ENOX1: variants seen among roughly 807,000 people sequenced by gnomAD.
The protein encoded by ENOX1 is candidate growth-related and time keeping constitutive hydroquinone (NADH) oxidase.
In ENOX1, 42 loss-of-function variants were observed where a neutral mutation model predicts 82.5. The ratio of observed to expected loss-of-function variants is 0.51; its 90% CI spans 0.40 to 0.66. The LOEUF is 0.66. Ranked by LOEUF, ENOX1 falls within the 30% of genes least tolerant of loss-of-function variation. ENOX1 has a pLI of 0.00. For synonymous variants in ENOX1, 271 were observed against 282.2 expected (o/e 0.96, Z 0.40); for missense variants, 608 against 811.6 (o/e 0.75, Z 3.05).
chr13:43,279,585 T>C (rs2045257322), intron 12 of ENOX1, among the ~76,000 whole-genome samples: 1 of 152,266 alleles, frequency 6.6e-6, no homozygotes, highest in African/African-American at 2.4e-5. Flanking sequence ...TTCCCGTTTT[T>C]CACTTTCTTC....
intron 3 of ENOX1, among the ~76,000 whole-genome samples, chr13:43,429,997 G>C (rs2055563215): frequency 6.6e-6 from 1 of 152,152 alleles, no homozygotes; most frequent in East Asian, 1.9e-4. Context: ...CTTTCCACTA[G>C]TTTTCTTGAC....
intron 2 of ENOX1, among the ~76,000 whole-genome samples, chr13:43,523,204 G>T (rs963879031): frequency 6.6e-6 from 1 of 152,140 alleles, no homozygotes; most frequent in Non-Finnish European, 1.5e-5. Flanking sequence ...ATAATCTGAG[G>T]TGCATATTAA....
At position 43,337,419 on chromosome 13, in the gene ENOX1, C is replaced by G. The variant is rs182309680; in HGVS notation, c.1036+7119G>C. 3.9e-3 allele frequency among the ~76,000 whole-genome samples: 589 copies of G among 152,190 alleles called. 5 individuals are homozygous for G. The highest frequency in any genetic ancestry group is 3.0e-3 in the Non-Finnish European group (204 of 68,008). On this transcript the variant is annotated intron_variant, in intron 9 of 16. Coordinates refer to ENST00000690772, the MANE Select transcript of ENOX1 (RefSeq NM_001347969.2). Reference sequence around the variant, plus strand: ...AATAATTAGAAAATAAGTAAGTCCTCAAGTAGATAGTATTAACAAGCGCTG... The same window carrying G: ...AATAATTAGAAAATAAGTAAGTCCTGAAGTAGATAGTATTAACAAGCGCTG...
At chr13:43,427,290 A>G (rs1050611914) in intron 3 of ENOX1, among the ~76,000 whole-genome samples, 2 of 152,194 alleles carry the variant, frequency 1.3e-5, no homozygotes, top group African/African-American at 4.8e-5. Context: ...AGAAACTCAC[A>G]TCCTCGATCT....
rs35444689 is a variant in ENOX1, at chr13:43,520,371, T to C, written c.-218-36219A>G. On this transcript the variant is annotated intron_variant, in intron 2 of 16. Transcript: ENST00000690772. Reference sequence around the variant, plus strand: ...TCAATCTGCACACACACACGGTATCTTGATGTTTTAATTATCTTACTAATA... The same window carrying C: ...TCAATCTGCACACACACACGGTATCCTGATGTTTTAATTATCTTACTAATA... 4.7e-4 allele frequency among the ~76,000 whole-genome samples: 71 copies of C among 152,296 alleles called. 1 individual carries two copies. The highest frequency in any genetic ancestry group is 1.5e-3 in the African/African-American group (63 of 41,578).
At chr13:43,286,428 C>T (rs920884) in intron 12 of ENOX1, among the ~76,000 whole-genome samples, 148,906 of 152,268 alleles carry the variant, frequency 0.98, 72,917 homozygotes, top group East Asian at 1. Context: ...AGGAACACAG[C>T]GTTGGGAAAA....
chr13:43,265,526 C>A lies in ENOX1; in HGVS notation c.1555-72G>T, dbSNP rs1434091255. On this transcript the variant is annotated intron_variant, in intron 13 of 16. Transcript: ENST00000690772. The stretch of plus-strand genomic sequence containing the variant: ...CAAGCAAATCTCTTAAGTATATCAT[C>A]TTGTTAACTGATTTATCTGAGGTTG... The A allele has an allele frequency of 2.4e-6, 3 of 1,253,452 alleles. No homozygotes were observed. The Admixed American group carries it at 5.5e-5, about 23-fold the overall frequency. 77.6% of individuals were successfully genotyped at this position (1,253,452 alleles called of 1,614,324 possible). A position where few individuals can be genotyped will look rare whatever the true frequency, so the allele number is the denominator to read the frequency against.
At chr13:43,734,433 C>T (rs1255055285) in intron 1 of ENOX1, among the ~76,000 whole-genome samples, 1 of 152,164 alleles carries the variant, frequency 6.6e-6, no homozygotes, top group East Asian at 1.9e-4. Context: ...AAATTCTTAT[C>T]TGTAACCAAA....
rs1405048507 is a variant in ENOX1, at chr13:43,612,477, T to C, written c.-219+55002A>G. On this transcript the variant is annotated intron_variant, in intron 2 of 16. Coordinates refer to ENST00000690772, the MANE Select transcript of ENOX1 (RefSeq NM_001347969.2). ...TACATAAATAGAAGCAACATCTTTG[T>C]TGGTGCCTACTTGTCATCAGCTAGA... Among the ~76,000 whole-genome samples the C allele has an allele frequency of 5.3e-5, 8 of 152,148 alleles. No homozygotes were observed. The East Asian group carries it at 1.3e-3, about 26-fold the overall frequency.
chr13:43,503,903 T>C (rs1405962749), intron 2 of ENOX1, among the ~76,000 whole-genome samples: 1 of 151,506 alleles, frequency 6.6e-6, no homozygotes, highest in Non-Finnish European at 1.5e-5. Flanking sequence ...AATGAAAAGG[T>C]AACTTACAAA....
Position 43,407,975 on chromosome 13 carries a change from T to C in ENOX1, c.208+3941A>G, listed in dbSNP as rs117066282. On this transcript the variant is annotated intron_variant, in intron 5 of 16. Transcript: ENST00000690772. ...TCACAGAACAGCCAGGACTTTGGAG[T>C]ATGGGATTTAGGATTGGGGTATAAC... 1.1e-4 allele frequency among the ~76,000 whole-genome samples: 16 copies of C among 152,092 alleles called. No individual in the cohort carries two copies. The East Asian group carries it at 3.1e-3, about 29-fold the overall frequency.
intron 2 of ENOX1, 56 bp from the exon 3 acceptor site, chr13:43,484,208 G>A: frequency 1.1e-6 from 1 of 917,898 alleles, no homozygotes. Context: ...ATTACTGCCT[G>A]TAATGGTATT....
At chr13:43,421,456 T>A (rs1309274376) in intron 3 of ENOX1, among the ~76,000 whole-genome samples, 1 of 152,192 alleles carries the variant, frequency 6.6e-6, no homozygotes, top group African/African-American at 2.4e-5. Flanking sequence ...TGGAGTTACA[T>A]CCCAATGGAG....
At position 43,473,124 on chromosome 13, in the gene ENOX1, C is replaced by A. The variant is rs1400527015; in HGVS notation, c.-75+10885G>T. 2.0e-5 allele frequency among the ~76,000 whole-genome samples: 3 copies of A among 152,110 alleles called. 1 individual carries two copies. The highest frequency in any genetic ancestry group is 4.4e-5 in the Non-Finnish European group (3 of 68,016). ...GATATTTTCCAAGCAAGTGGAATTTCTTCACATCGTCTCTCAATTTAGTAA... is the reference window on the plus strand; with the variant it reads ...GATATTTTCCAAGCAAGTGGAATTTATTCACATCGTCTCTCAATTTAGTAA... On this transcript the variant is annotated intron_variant, in intron 3 of 16. Transcript: ENST00000690772.
chr13:43,508,062 G>C (rs2077234637), intron 2 of ENOX1, among the ~76,000 whole-genome samples: 2 of 151,938 alleles, frequency 1.3e-5, no homozygotes, highest in African/African-American at 4.8e-5. Context: ...GCATTAAAGG[G>C]AGGAGTTATA....
intron 2 of ENOX1, among the ~76,000 whole-genome samples, chr13:43,620,924 G>T (rs1055921655): frequency 6.6e-6 from 1 of 152,092 alleles, no homozygotes; most frequent in Non-Finnish European, 1.5e-5. Context: ...AAACTTGGGA[G>T]CTCCAGTGTT....
In ENOX1 at chr13:43,726,235, G is replaced by A. The variant is rs9567253; in HGVS notation, c.-284-58691C>T. Among the ~76,000 whole-genome samples, 4 of 135,488 alleles carry A rather than the reference G, an allele frequency of 3.0e-5. No homozygotes were observed. The East Asian group carries it at 8.4e-4, about 29-fold the overall frequency. The allele number at this position is 135,488 out of a possible 152,430, so 88.9% of individuals were successfully genotyped here. A position where few individuals can be genotyped will look rare whatever the true frequency, so the allele number is the denominator to read the frequency against. On this transcript the variant is annotated intron_variant, in intron 1 of 16. Coordinates refer to ENST00000690772, the MANE Select transcript of ENOX1 (RefSeq NM_001347969.2). Reference sequence around the variant, plus strand: ...TTCATCTTTTTTTTTTTTTTTTTGAGATGGAGTTTCGCTCTGTTGCCCAGG... The same window carrying A: ...TTCATCTTTTTTTTTTTTTTTTTGAAATGGAGTTTCGCTCTGTTGCCCAGG...
intron 1 of ENOX1, among the ~76,000 whole-genome samples, chr13:43,703,400 G>C (rs1157233027): frequency 6.6e-6 from 1 of 151,900 alleles, no homozygotes; most frequent in Non-Finnish European, 1.5e-5. Flanking sequence ...TCCATTTATG[G>C]GCAACCAGAA....
At chr13:43,237,946 T>C (rs554174132) in intron 14 of ENOX1, among the ~76,000 whole-genome samples, 121 of 152,342 alleles carry the variant, frequency 7.9e-4, no homozygotes, top group Non-Finnish European at 1.4e-3. Context: ...GTTGGTAATA[T>C]CTGATAAGCA....
Sources: gnomAD v4.1 joint callset for allele counts (sites outside exome capture counted in the v4.1 genomes callset) on GRCh38, gnomAD v4.1.1 for gene constraint, MANE v1.5 for transcripts, NCBI Gene and HGNC (gene_info 2026-07-23, HGNC 2026-07-21) for gene names.